TRIM9: variants seen among roughly 807,000 people sequenced by gnomAD.
TRIM9 encodes E3 ubiquitin-protein ligase TRIM9.
In TRIM9, 26 loss-of-function variants were observed where a neutral mutation model predicts 78.3. That is an observed-to-expected ratio of 0.33 (90% CI 0.24 to 0.46). The LOEUF (loss-of-function observed/expected upper bound fraction) is 0.46, where lower values mean the gene tolerates loss of function less well. Among genes scored for constraint, TRIM9 ranks in the 20% least tolerant of loss-of-function variants. The probability of loss-of-function intolerance (pLI) is 1.00; values close to 1 mark genes in which losing one functional copy is unlikely to be tolerated. For synonymous variants in TRIM9, 398 were observed against 416.5 expected (o/e 0.96, Z 0.54); for missense variants, 787 against 1,036.4 (o/e 0.76, Z 3.30).
intron 1 of TRIM9, among the ~76,000 whole-genome samples, chr14:51,057,623 A>G (rs2060994870): frequency 1.3e-5 from 2 of 152,260 alleles, no homozygotes; most frequent in African/African-American, 2.4e-5. Flanking sequence ...AATATGAAAT[A>G]CATAGGCAAA....
At chr14:51,075,638 G>A (rs1040658623) in intron 1 of TRIM9, among the ~76,000 whole-genome samples, 3 of 152,114 alleles carry the variant, frequency 2.0e-5, no homozygotes, top group African/African-American at 7.2e-5. Context: ...GAAGTTATGG[G>A]CTAAATTGTT....
intron 6 of TRIM9, 96 bp from the exon 7 acceptor site, chr14:50,998,284 G>T: frequency 8.5e-7 from 1 of 1,178,586 alleles, no homozygotes; most frequent in Non-Finnish European, 1.2e-6. Context: ...AAGAGCCCTG[G>T]TGTCATTCTA....
At chr14:51,089,083 A>C (rs2140361439) in intron 1 of TRIM9, 1 of 152,124 alleles carries the variant, frequency 6.6e-6, no homozygotes, top group East Asian at 1.9e-4. Context: ...TTGTTACTGG[A>C]GCATAGTCCA....
intron 5 of TRIM9, among the ~76,000 whole-genome samples, chr14:51,002,325 G>A (rs966212633): frequency 2.6e-5 from 4 of 151,298 alleles, no homozygotes; most frequent in East Asian, 2.0e-4. Context: ...TAGTAGAGAC[G>A]GGGTTTCACC....
intron 3 of TRIM9, among the ~76,000 whole-genome samples, chr14:51,020,697 T>C (rs1468032899): frequency 2.0e-5 from 3 of 152,238 alleles, no homozygotes; most frequent in Non-Finnish European, 4.4e-5. Flanking sequence ...CCTTAACTGA[T>C]TTTCACACAG....
Position 50,998,148 on chromosome 14 carries a change from C to G in TRIM9, c.1505G>C (p.Gly502Ala). The change falls in exon 7 of 13, where the codon GGT becomes GCT. Residue 502 changes from glycine (G) to alanine (A), a missense_variant. Around this residue, in one of 3 missense-constraint regions of TRIM9, gnomAD observed 421 missense variants for 514.3 expected, o/e 0.82. Coordinates refer to ENST00000684578, the MANE Select transcript of TRIM9 (RefSeq NM_001387360.1). ...GTTGTATGTGCTGTTGAAGTGAAGACCATCCACAGTGCACATTGTCTCCTT... is the reference window on the plus strand; with the variant it reads ...GTTGTATGTGCTGTTGAAGTGAAGAGCATCCACAGTGCACATTGTCTCCTT... The part of the protein sequence containing the change: ...VGKETMCTVD[G>A]LHFNSTYNAR... 1 of 1,614,174 alleles carries G rather than the reference C, an allele frequency of 6.2e-7. No individual in the cohort carries two copies. Among genetic ancestry groups the G allele is most frequent in the African/African-American group, 1.3e-5 (1 of 75,048 alleles).
At chr14:51,031,885 C>T (rs967281309) in intron 1 of TRIM9, among the ~76,000 whole-genome samples, 1 of 150,762 alleles carries the variant, frequency 6.6e-6, no homozygotes, top group Non-Finnish European at 1.5e-5. Flanking sequence ...TAAGCCAGCA[C>T]ATCTCTCATA....
chr14:51,041,477 T>C (rs1198668032), intron 1 of TRIM9, among the ~76,000 whole-genome samples: 1 of 152,238 alleles, frequency 6.6e-6, no homozygotes, highest in Middle Eastern at 3.2e-3. Context: ...ATGTCAATGA[T>C]GTTTCAATCT....
At chr14:51,056,919 A>G (rs1321466605) in intron 1 of TRIM9, among the ~76,000 whole-genome samples, 1 of 152,212 alleles carries the variant, frequency 6.6e-6, no homozygotes, top group Non-Finnish European at 1.5e-5. Context: ...TTAAGGCAAA[A>G]TAGAGATTTC....
At chr14:51,069,331 G>A (rs1285330980) in intron 1 of TRIM9, among the ~76,000 whole-genome samples, 1 of 152,170 alleles carries the variant, frequency 6.6e-6, no homozygotes, top group African/African-American at 2.4e-5. Context: ...TTTCCTCCTA[G>A]AGGACATTGG....
chr14:50,992,130 C>T (rs889540763), intron 7 of TRIM9, among the ~76,000 whole-genome samples: 3 of 152,134 alleles, frequency 2.0e-5, no homozygotes, highest in African/African-American at 7.2e-5. Context: ...TCACTGTCCT[C>T]CTTGGAATTT....
At chr14:51,064,256 G>C (rs2061569800) in intron 1 of TRIM9, among the ~76,000 whole-genome samples, 2 of 151,948 alleles carry the variant, frequency 1.3e-5, no homozygotes, top group South Asian at 4.2e-4. Flanking sequence ...ATAAAATACT[G>C]TAATAAATAA....
At chr14:51,002,701 G>A (rs1339747223) in intron 5 of TRIM9, among the ~76,000 whole-genome samples, 1 of 152,132 alleles carries the variant, frequency 6.6e-6, no homozygotes, top group African/African-American at 2.4e-5. Flanking sequence ...TAGAAAACAG[G>A]TTCTATGGCA....
intron 1 of TRIM9, among the ~76,000 whole-genome samples, chr14:51,045,208 C>G (rs2059862008): frequency 6.6e-6 from 1 of 152,204 alleles, no homozygotes; most frequent in African/African-American, 2.4e-5. Flanking sequence ...CTGTGAGCAT[C>G]ATGTCTGGTC....
chr14:51,080,734 A>T (rs1168940984), intron 1 of TRIM9, among the ~76,000 whole-genome samples: 1 of 152,202 alleles, frequency 6.6e-6, no homozygotes, highest in Non-Finnish European at 1.5e-5. Context: ...CTGCCATGGT[A>T]ACCCTTAGGA....
chr14:50,979,109 T>C, intron 12 of TRIM9: 1 of 1,356,158 alleles, frequency 7.4e-7, no homozygotes, highest in Non-Finnish European at 9.5e-7. Context: ...GAGGTGAAAC[T>C]AGAGCTACAG....
chr14:51,050,984 G>A (rs1405785303), intron 1 of TRIM9, among the ~76,000 whole-genome samples: 1 of 152,198 alleles, frequency 6.6e-6, no homozygotes, highest in African/African-American at 2.4e-5. Flanking sequence ...AAGCCAAGAT[G>A]CTGCTGATTC....
intron 3 of TRIM9, among the ~76,000 whole-genome samples, chr14:51,018,336 TTCCTTCTTTCTA>T (rs1356810443): frequency 2.0e-5 from 3 of 152,068 alleles, no homozygotes; most frequent in African/African-American, 7.2e-5. Context: ...CCTTCTTTCC[TTCCTTCTTTCTA>T]TCCTTCCTCC....
At chr14:51,046,752 C>G (rs143985473) in intron 1 of TRIM9, among the ~76,000 whole-genome samples, 2 of 152,266 alleles carry the variant, frequency 1.3e-5, no homozygotes, top group East Asian at 3.9e-4. Context: ...AAACCCTGGG[C>G]AAATTAAAAA....
Sources: allele counts gnomAD v4.1 joint callset (sites outside exome capture counted in the v4.1 genomes callset), GRCh38; gene constraint gnomAD v4.1.1; regional missense constraint gnomAD v4.1.1; transcripts MANE v1.5; gene names NCBI Gene and HGNC (gene_info 2026-07-23, HGNC 2026-07-21).